Variants in RNF216 observed in about 807,000 individuals in gnomAD.
The protein encoded by RNF216 is ring finger protein 216, also known as E3 ubiquitin-protein ligase RNF216.
In RNF216, 72 loss-of-function variants were observed where a neutral mutation model predicts 110.8. The ratio of observed to expected loss-of-function variants is 0.65; its 90% CI spans 0.54 to 0.79. RNF216 has a LOEUF of 0.79. Ranked by LOEUF, RNF216 falls within the 30% of genes least tolerant of loss-of-function variation. RNF216 has a pLI of 0.00. For missense variants in RNF216, 1,342 were observed against 1,141.2 expected, an observed-to-expected ratio of 1.18 and a Z score of -2.54; for synonymous variants, 495 against 407.5, an observed-to-expected ratio of 1.21 and a Z score of -2.59.
chr7:5,674,084 C>T (rs1790108980), intron 13 of RNF216, among the ~76,000 whole-genome samples: 1 of 151,782 alleles, frequency 6.6e-6, no homozygotes, highest in South Asian at 2.1e-4. Context: ...GGCTGGAGTG[C>T]AATGGCGTTA....
intron 13 of RNF216, among the ~76,000 whole-genome samples, chr7:5,669,667 C>T (rs920004694): frequency 2.6e-4 from 40 of 152,200 alleles, no homozygotes; most frequent in African/African-American, 9.1e-4. Flanking sequence ...CCAAGGTGGG[C>T]GGATCACTTG....
At position 5,775,750 on chromosome 7, in the gene RNF216, T is replaced by C. The variant is rs529723869; in HGVS notation, c.-70+5791A>G. Among the ~76,000 whole-genome samples, 19 of 152,080 alleles carry C rather than the reference T, an allele frequency of 1.2e-4. No homozygotes were observed. The South Asian group carries it at 3.7e-3, about 30-fold the overall frequency. On this transcript the variant is annotated intron_variant, in intron 1 of 16. Transcript: ENST00000389902. ...CAGGCGTGGTTGCAGGCACCTGTAG[T>C]CCCAGCTACTCGGGAGGCTGAGGCA...
chr7:5,706,325 G>C (rs1321091854), intron 13 of RNF216, among the ~76,000 whole-genome samples: 2 of 151,976 alleles, frequency 1.3e-5, no homozygotes, highest in African/African-American at 4.8e-5. Flanking sequence ...TTGTACAGCT[G>C]ATCTCTAAAC....
chr7:5,672,178 T>C (rs1789963036), intron 13 of RNF216, among the ~76,000 whole-genome samples: 1 of 152,176 alleles, frequency 6.6e-6, no homozygotes, highest in African/African-American at 2.4e-5. Flanking sequence ...GGGAGACAGA[T>C]GGAAAGCAGG....
chr7:5,641,410 G>T, intron 14 of RNF216, 34 bp from the exon 15 acceptor site: 1 of 1,552,390 alleles, frequency 6.4e-7, no homozygotes. Flanking sequence ...GAGCTGGGAG[G>T]GAAGATGAGG....
chr7:5,714,093 A>G (rs573771541), intron 11 of RNF216, among the ~76,000 whole-genome samples: 161 of 152,110 alleles, frequency 1.1e-3, no homozygotes, highest in African/African-American at 3.8e-3. Flanking sequence ...CCTCCCGAGT[A>G]GCTGGATTAC....
chr7:5,728,452 C>T (rs1375226693), intron 7 of RNF216, among the ~76,000 whole-genome samples: 1 of 151,860 alleles, frequency 6.6e-6, no homozygotes, highest in African/African-American at 2.4e-5. Flanking sequence ...TGAGCACCTA[C>T]AGTCCCAGCT....
intron 6 of RNF216, among the ~76,000 whole-genome samples, chr7:5,730,029 ATGAT>A (rs1241009640): frequency 6.6e-6 from 1 of 152,218 alleles, no homozygotes; most frequent in African/African-American, 2.4e-5. Flanking sequence ...AATAATGACA[ATGAT>A]TGAAGTTTTT....
intron 13 of RNF216, among the ~76,000 whole-genome samples, chr7:5,690,865 C>G (rs852261): frequency 6.6e-6 from 1 of 152,044 alleles, no homozygotes; most frequent in African/African-American, 2.4e-5. Flanking sequence ...ATAACACATA[C>G]GCACATGTGT....
rs113652216 is a variant in RNF216, at chr7:5,628,496, G to C, written c.2383-4371C>G. Among the ~76,000 whole-genome samples the C allele has an allele frequency of 1.9e-3, 284 of 152,034 alleles. 1 individual carries two copies. The highest frequency in any genetic ancestry group is 0.01 in the Middle Eastern group (3 of 294). Reference sequence around the variant, plus strand: ...TTAAAATAAAAAAATTACGCTTTTAGCTAATATGTTAGACTCTAAAGGGAA... The same window carrying C: ...TTAAAATAAAAAAATTACGCTTTTACCTAATATGTTAGACTCTAAAGGGAA... On this transcript the variant is annotated intron_variant, in intron 15 of 16. Transcript: ENST00000389902.
At chr7:5,632,472 G>C (rs919027441) in intron 15 of RNF216, among the ~76,000 whole-genome samples, 1 of 152,194 alleles carries the variant, frequency 6.6e-6, no homozygotes, top group Non-Finnish European at 1.5e-5. Context: ...GCTGATCAGC[G>C]ACCAAGGTGT....
At chr7:5,649,852 T>C (rs1283725814) in intron 14 of RNF216, 1 of 152,250 alleles carries the variant, frequency 6.6e-6, no homozygotes, top group East Asian at 1.9e-4. Context: ...AAACAGCCCC[T>C]GGCAACTGGT....
chr7:5,650,040 G>A (rs1788291944), intron 14 of RNF216: 1 of 152,140 alleles, frequency 6.6e-6, no homozygotes, highest in South Asian at 2.1e-4. Flanking sequence ...GTATTAATAT[G>A]CTACATGAAT....
rs1026565408 is a variant in RNF216, at chr7:5,620,393, C to T, written c.*2467G>A. On this transcript the variant is annotated 3_prime_UTR_variant, in exon 17 of 17. Transcript: ENST00000389902. ...GGTTGCCTGTTGTCTGACCTGCTCT[C>T]TGGGCACTGGCACGGCCCCTTGCTG... The T allele has an allele frequency of 7.9e-5, 12 of 152,310 alleles. No individual in the cohort carries two copies. Among genetic ancestry groups the T allele is most frequent in the African/African-American group, 2.9e-4 (12 of 41,470 alleles). The allele number at this position is 152,310 out of a possible 1,614,324, so 9.4% of individuals were successfully genotyped here. A position where few individuals can be genotyped will look rare whatever the true frequency, so the allele number is the denominator to read the frequency against.
intron 15 of RNF216, among the ~76,000 whole-genome samples, chr7:5,628,773 T>C (rs903460594): frequency 6.6e-6 from 1 of 152,040 alleles, no homozygotes; most frequent in Admixed American, 6.6e-5. Flanking sequence ...CACCCAACCT[T>C]GGTCTCCCCA....
intron 3 of RNF216, among the ~76,000 whole-genome samples, chr7:5,751,788 G>A (rs983286568): frequency 9.5e-5 from 12 of 125,716 alleles, no homozygotes; most frequent in African/African-American, 2.8e-4. Flanking sequence ...GTGTTCCTTG[G>A]TCCTAGAACC....
Position 5,738,437 on chromosome 7 carries a change from G to A in RNF216, c.1121+839C>T, listed in dbSNP as rs182164714. Among the ~76,000 whole-genome samples the A allele has an allele frequency of 1.4e-3, 217 of 152,122 alleles. 1 individual carries two copies. Among genetic ancestry groups the A allele is most frequent in the Admixed American group, 2.2e-3 (34 of 15,278 alleles). On this transcript the variant is annotated intron_variant, in intron 5 of 16. Transcript: ENST00000389902. ...AAAATTAAGAAATATGGCTGGGAGC[G>A]GTGGCTCACACCTGTAATCCCAGCA...
chr7:5,685,705 C>T (rs1018236142), intron 13 of RNF216, among the ~76,000 whole-genome samples: 1 of 152,204 alleles, frequency 6.6e-6, no homozygotes, highest in East Asian at 1.9e-4. Flanking sequence ...AACTCCCAGC[C>T]ACATGGCAAG....
intron 1 of RNF216, among the ~76,000 whole-genome samples, chr7:5,770,109 G>A (rs1326792307): frequency 6.6e-6 from 1 of 151,284 alleles, no homozygotes; most frequent in Non-Finnish European, 1.5e-5. Context: ...CACTTTGGGA[G>A]GCTGAGGCAA....
Sources: gnomAD v4.1 joint callset for allele counts (sites outside exome capture counted in the v4.1 genomes callset) on GRCh38, gnomAD v4.1.1 for gene constraint, MANE v1.5 for transcripts, NCBI Gene and HGNC (gene_info 2026-07-23, HGNC 2026-07-21) for gene names.